Variants in PRDM10 observed in about 807,000 individuals in gnomAD.
The protein encoded by PRDM10 is PR domain zinc finger protein 10.
Under a neutral mutation model 133.1 loss-of-function variants are expected in PRDM10, and 65 were observed. The observed-to-expected ratio is 0.49, with a 90% CI of 0.40 to 0.60. PRDM10 has a LOEUF of 0.60. Ranked by LOEUF, PRDM10 falls within the 20% of genes least tolerant of loss-of-function variation. PRDM10 has a pLI of 0.00. For missense variants in PRDM10, 1,137 were observed against 1,507.1 expected (o/e 0.75, Z 4.07); for synonymous variants, 582 against 580.4 (o/e 1.00, Z -0.04).
chr11:129,954,403 C>T (rs1469009235), intron 4 of PRDM10, among the ~76,000 whole-genome samples: 2 of 151,708 alleles, frequency 1.3e-5, no homozygotes, highest in African/African-American at 4.8e-5. Context: ...ACTGGGATTA[C>T]AGGCACCCGC....
At chr11:129,915,924 CT>C in intron 15 of PRDM10, 64 bp from the exon 16 acceptor site, 1 of 626,458 alleles carries the variant, frequency 1.6e-6, no homozygotes, top group Middle Eastern at 5.1e-4. Context: ...TTAAAGCAAA[CT>C]AACAATTTCA....
intron 1 of PRDM10, among the ~76,000 whole-genome samples, chr11:129,971,441 A>G (rs374090456): frequency 1.3e-5 from 2 of 152,136 alleles, no homozygotes; most frequent in African/African-American, 2.4e-5. Context: ...GAGTGTCGAC[A>G]CAAAGGTTCT....
chr11:129,980,872 T>G (rs1034782919), intron 1 of PRDM10, among the ~76,000 whole-genome samples: 10 of 142,460 alleles, frequency 7.0e-5, no homozygotes, highest in Non-Finnish European at 9.1e-5. Context: ...TTTTTTTTTT[T>G]TTTTTTTTTT....
intron 19 of PRDM10, among the ~76,000 whole-genome samples, chr11:129,906,844 G>A (rs1950030202): frequency 6.6e-6 from 1 of 152,090 alleles, no homozygotes; most frequent in South Asian, 2.1e-4. Context: ...CAGGCATGGT[G>A]GCGGGTGCCT....
At position 129,899,997 on chromosome 11, in the gene PRDM10, T is replaced by A. The variant is rs1279735599; in HGVS notation, c.*2316A>T. 6.6e-6 allele frequency: 1 copy of A among 152,650 alleles called. No individual in the cohort carries two copies. Among genetic ancestry groups the A allele is most frequent in the Non-Finnish European group, 1.5e-5 (1 of 68,052 alleles). 9.5% of individuals were successfully genotyped at this position (152,650 alleles called of 1,614,324 possible). ...TTTCCAGAATAACAGGAATTTTACA[T>A]GATGAAATGTCTATTTCTGTCGGTA... On this transcript the variant is annotated 3_prime_UTR_variant, in exon 21 of 21. Transcript: ENST00000360871.
At chr11:129,964,113 C>T (rs536048347) in intron 1 of PRDM10, among the ~76,000 whole-genome samples, 12 of 152,186 alleles carry the variant, frequency 7.9e-5, no homozygotes, top group African/African-American at 1.9e-4. Flanking sequence ...GGTGTCCTTC[C>T]GATAGAGGAA....
In PRDM10 at chr11:129,917,232, A is replaced by G. The variant is rs184615189; in HGVS notation, c.2220T>C (p.Asn740=). 2.6e-5 allele frequency: 42 copies of G among 1,608,058 alleles called. No individual in the cohort carries two copies. In the East Asian group the frequency reaches 6.0e-4, roughly 23 times the overall value. ...MGFRRRGMLV[N]HLSKRHPDMK... The stretch of plus-strand genomic sequence containing the variant: ...TGTCTGGGTGTCTCTTCGATAAGTG[A>G]TTTACCTAAAGGGAAAAGAAAGAAC... The change falls in exon 15 of 21, where the codon AAT becomes AAC. Residue 740 remains asparagine (N), a synonymous_variant. Coordinates refer to ENST00000360871, the MANE Select transcript of PRDM10 (RefSeq NM_199437.2).
Position 129,947,321 on chromosome 11 carries a change from T to G in PRDM10, c.344A>C (p.Asp115Ala), listed in dbSNP as rs750011632. 4 of 1,614,144 alleles carry G rather than the reference T, an allele frequency of 2.5e-6. 1 individual carries two copies. The South Asian group carries it at 3.3e-5, about 13-fold the overall frequency. ...NQVLPSIESV[D>A]GSDPLATLQT... ...CAGAGTTGCCAAAGGGTCGGACCCA[T>G]CTACACTCTCGATGGAAGGCAGCAC... is the stretch of plus-strand genomic sequence containing the variant. The change falls in exon 5 of 21, where the codon GAT becomes GCT. Residue 115 changes from aspartate (D) to alanine (A), a missense_variant. This residue lies in a region of PRDM10 where 635 missense variants were observed against 835.2 expected (regional missense o/e 0.76). Transcript: ENST00000360871. The surrounding 1 kb of genome is among the most constrained non-coding windows in gnomAD (Gnocchi z 4.6).
chr11:129,921,686 G>T (rs866401451), intron 13 of PRDM10, among the ~76,000 whole-genome samples: 2 of 152,176 alleles, frequency 1.3e-5, no homozygotes, highest in African/African-American at 4.8e-5. Context: ...ACATTTGAAG[G>T]GAGTCTTCTT....
At position 129,947,823 on chromosome 11, in the gene PRDM10, G is replaced by A. The variant is rs868456413; in HGVS notation, c.295-453C>T. Among the ~76,000 whole-genome samples the A allele has an allele frequency of 2.6e-5, 4 of 152,138 alleles. No individual in the cohort carries two copies. Among genetic ancestry groups the A allele is most frequent in the Non-Finnish European group, 4.4e-5 (3 of 68,034 alleles). On this transcript the variant is annotated intron_variant, in intron 4 of 20. Transcript: ENST00000360871. This position sits in a 1 kb window ranked among gnomAD's most constrained non-coding sequence, Gnocchi z 4.6. ...AAATAGGTAAGCAACAGACCGTTTC[G>A]ATGTGTGCACATGTGAGGTATCATC...
Position 129,914,715 on chromosome 11 carries a change from G to T in PRDM10, c.2830C>A (p.Gln944Lys). 2 of 1,614,220 alleles carry T rather than the reference G, an allele frequency of 1.2e-6. No individual in the cohort carries two copies. Among genetic ancestry groups the T allele is most frequent in the South Asian group, 1.1e-5 (1 of 91,068 alleles). Residue 944 changes from glutamine (Q) to lysine (K), a missense_variant, in exon 17 of 21, where the codon CAA becomes AAA. This residue lies in a region of PRDM10 where 113 missense variants were observed against 143.7 expected (regional missense o/e 0.79). Coordinates refer to ENST00000360871, the MANE Select transcript of PRDM10 (RefSeq NM_199437.2). ...AAGGCACGCAGTACCGAGGCCACTT[G>T]AACCACTTGCAGCTGTATGTGCTGA... ...QPQHIQLQVV[Q>K]VASATSPHQS...
Position 129,923,493 on chromosome 11 carries a change from C to A in PRDM10, c.1879-90G>T. 1 of 1,390,328 alleles carries A rather than the reference C, an allele frequency of 7.2e-7. No individual in the cohort carries two copies. Among genetic ancestry groups the A allele is most frequent in the Non-Finnish European group, 9.6e-7 (1 of 1,045,736 alleles). The allele number at this position is 1,390,328 out of a possible 1,614,324, so 86.1% of individuals were successfully genotyped here. On this transcript the variant is annotated intron_variant, in intron 12 of 20. Coordinates refer to ENST00000360871, the MANE Select transcript of PRDM10 (RefSeq NM_199437.2). This position sits in a 1 kb window ranked among gnomAD's most constrained non-coding sequence, Gnocchi z 4.4. ...CTTGTCAACGCTAGAGGGAGCCAAA[C>A]GCATTACCATGGGTTTTCATCAACC...
chr11:129,990,523 A>C (rs1322427846), intron 1 of PRDM10, among the ~76,000 whole-genome samples: 1 of 93,806 alleles, frequency 1.1e-5, no homozygotes, highest in African/African-American at 6.3e-5. Flanking sequence ...CTTTGTCTCC[A>C]AAAAAAAAAA....
Position 129,910,503 on chromosome 11 carries a change from T to C in PRDM10, c.3136A>G (p.Ser1046Gly), listed in dbSNP as rs1950153211. The C allele has an allele frequency of 6.2e-7, 1 of 1,614,140 alleles. No homozygotes were observed. Among genetic ancestry groups the C allele is most frequent in the Non-Finnish European group, 8.5e-7 (1 of 1,180,048 alleles). Reference protein sequence around the residue: ...NSSVQHTYLPSAWNSFRGYSS... With the variant: ...NSSVQHTYLPGAWNSFRGYSS... ...TAGCCACGGAAGGAATTCCAAGCAC[T>C]GGGCAGGTACGTGTGCTGCACAGAG... Residue 1046 changes from serine (S) to glycine (G), a missense_variant, in exon 19 of 21, where the codon AGT becomes GGT. Ser to Gly is a moderately conservative substitution (Grantham distance 56, BLOSUM62 0). Around this residue, in one of 6 missense-constraint regions of PRDM10, gnomAD observed 243 missense variants for 259.2 expected, o/e 0.94. Coordinates refer to ENST00000360871, the MANE Select transcript of PRDM10 (RefSeq NM_199437.2).
rs187347834 is a variant in PRDM10, at chr11:130,001,194, T to A, written c.-119+1528A>T. 4.5e-3 allele frequency among the ~76,000 whole-genome samples: 687 copies of A among 151,670 alleles called. 4 individuals carry two copies. Among genetic ancestry groups the A allele is most frequent in the East Asian group, 0.021 (108 of 5,156 alleles). ...CTTTGCCCCCAACCAATCCTAATTT[T>A]AAAAAAAAATCTTGTTTTCTCTATT... On this transcript the variant is annotated intron_variant, in intron 1 of 20. Transcript: ENST00000360871.
chr11:129,947,254 ATCCTCT>A lies in PRDM10; in HGVS notation c.405_410del (p.Glu135_Glu136del), dbSNP rs1356665125. 1 of 1,613,682 alleles carries A rather than the reference ATCCTCT, an allele frequency of 6.2e-7. No homozygotes were observed. The highest frequency in any genetic ancestry group is 1.1e-5 in the South Asian group (1 of 91,050). ...CCTCAGTGTCCTCGTCCTCATCCTC[ATCCTCT>A]TCCTCTTTGGCCTCCAGTCTGCCTA... On this transcript the variant is annotated inframe_deletion, in exon 5 of 21. Transcript: ENST00000360871. This position sits in a 1 kb window ranked among gnomAD's most constrained non-coding sequence, Gnocchi z 4.6.
chr11:129,992,728 AATT>A (rs1220872192), intron 1 of PRDM10, among the ~76,000 whole-genome samples: 1 of 152,218 alleles, frequency 6.6e-6, no homozygotes, highest in African/African-American at 2.4e-5. Flanking sequence ...AAATTCAAAT[AATT>A]TTTTAAAACA....
chr11:129,982,087 G>A (rs934845138), intron 1 of PRDM10, among the ~76,000 whole-genome samples: 10 of 151,436 alleles, frequency 6.6e-5, no homozygotes, highest in African/African-American at 2.2e-4. Context: ...ACAAAACCCC[G>A]TCTCTACAAA....
At position 129,920,867 on chromosome 11, in the gene PRDM10, G is replaced by A. The variant is rs78512825; in HGVS notation, c.2035-2149C>T. On this transcript the variant is annotated intron_variant, in intron 13 of 20. Transcript: ENST00000360871. ...GGCTGGAGTACAATGGCATGATTTC[G>A]CCTCACCACAACCTCCGCCTCCCGG... Among the ~76,000 whole-genome samples the A allele has an allele frequency of 2.2e-4, 33 of 152,048 alleles. No homozygotes were observed. The East Asian group carries it at 4.8e-3, about 22-fold the overall frequency.
Sources: gnomAD v4.1 joint callset for allele counts (sites outside exome capture counted in the v4.1 genomes callset) on GRCh38, gnomAD v4.1.1 for gene constraint, gnomAD v4.1.1 regional missense constraint, Gnocchi (gnomAD v3.1) non-coding constraint, MANE v1.5 for transcripts, NCBI Gene and HGNC (gene_info 2026-07-23, HGNC 2026-07-21) for gene names.